LRMDA: variants seen among roughly 807,000 people sequenced by gnomAD.
LRMDA encodes leucine rich melanocyte differentiation associated, also known as leucine-rich melanocyte differentiation-associated protein.
In LRMDA, 18 loss-of-function variants were observed where a neutral mutation model predicts 29.8. The observed-to-expected ratio is 0.60, with a 90% CI of 0.42 to 0.90. LRMDA has a LOEUF of 0.90. Among genes scored for constraint, LRMDA ranks in the 40% least tolerant of loss-of-function variants. The probability of loss-of-function intolerance (pLI) is 0.00; values close to 1 mark genes in which losing one functional copy is unlikely to be tolerated. For synonymous variants in LRMDA, 125 were observed against 109.4 expected (o/e 1.14, Z -0.89); for missense variants, 273 against 273.9 (o/e 1.00, Z 0.02).
intron 2 of LRMDA, among the ~76,000 whole-genome samples, chr10:75,597,067 G>A (rs544011051): frequency 8.8e-5 from 13 of 148,114 alleles, no homozygotes; most frequent in South Asian, 2.1e-4. Context: ...TTTGAGTCCC[G>A]TGTTCCTTAT....
intron 5 of LRMDA, among the ~76,000 whole-genome samples, chr10:76,229,163 C>T (rs140796476): frequency 2.6e-5 from 4 of 152,106 alleles, no homozygotes; most frequent in South Asian, 4.2e-4. Context: ...CTTTGTTGGG[C>T]GAGAACGTCT....
At chr10:75,922,644 A>T (rs575003995) in intron 2 of LRMDA, among the ~76,000 whole-genome samples, 5 of 152,126 alleles carry the variant, frequency 3.3e-5, no homozygotes, top group South Asian at 4.2e-4. Context: ...TCTACTTCCC[A>T]CTGTGGGCAT....
intron 2 of LRMDA, among the ~76,000 whole-genome samples, chr10:75,834,420 A>G (rs1457922025): frequency 6.6e-6 from 1 of 152,200 alleles, no homozygotes; most frequent in Non-Finnish European, 1.5e-5. Flanking sequence ...CTTTCTTTCT[A>G]GAGTATCCCT....
At chr10:75,446,779 A>G (rs1844401558) in intron 2 of LRMDA, among the ~76,000 whole-genome samples, 2 of 152,202 alleles carry the variant, frequency 1.3e-5, no homozygotes, top group African/African-American at 4.8e-5. Flanking sequence ...CTCACCTCAT[A>G]TATATTTTTT....
At chr10:76,344,926 G>A (rs1457099596) in intron 6 of LRMDA, among the ~76,000 whole-genome samples, 3 of 145,806 alleles carry the variant, frequency 2.1e-5, no homozygotes, top group Non-Finnish European at 3.0e-5. Flanking sequence ...AATCATACAA[G>A]TACTGAAAAA....
Position 75,609,483 on chromosome 10 carries a change from C to A in LRMDA, c.131+170989C>A, listed in dbSNP as rs377090848. 5.3e-5 allele frequency among the ~76,000 whole-genome samples: 8 copies of A among 152,290 alleles called. No homozygotes were observed. In the East Asian group the frequency reaches 1.5e-3, roughly 29 times the overall value. On this transcript the variant is annotated intron_variant, in intron 2 of 6. Transcript: ENST00000611255. ...CTTCCTAGTGGTCAATCTCTGCTCT[C>A]CAGCACCTACTTCTAGAAGGAGTAA...
At chr10:76,544,474 C>T (rs1360363431) in intron 6 of LRMDA, among the ~76,000 whole-genome samples, 2 of 152,152 alleles carry the variant, frequency 1.3e-5, no homozygotes, top group Admixed American at 1.3e-4. Flanking sequence ...AAAACACACC[C>T]ATCTTAATAT....
At chr10:76,262,907 C>T (rs1375114569) in intron 5 of LRMDA, among the ~76,000 whole-genome samples, 1 of 152,210 alleles carries the variant, frequency 6.6e-6, no homozygotes, top group African/African-American at 2.4e-5. Context: ...GCCATTTGCC[C>T]TTTCTTAAGC....
intron 5 of LRMDA, among the ~76,000 whole-genome samples, chr10:76,204,665 C>CT (rs553296344): frequency 5.3e-5 from 8 of 152,244 alleles, no homozygotes; most frequent in Non-Finnish European, 1.2e-4. Flanking sequence ...TACAACACTT[C>CT]TTTTGTGCCT....
intron 2 of LRMDA, among the ~76,000 whole-genome samples, chr10:75,726,694 C>G (rs991216924): frequency 5.3e-5 from 8 of 152,190 alleles, no homozygotes; most frequent in Admixed American, 3.3e-4. Context: ...GCCTACTTAG[C>G]CTTCCTTTGG....
chr10:75,858,016 C>T (rs1286194534), intron 2 of LRMDA, among the ~76,000 whole-genome samples: 1 of 152,222 alleles, frequency 6.6e-6, no homozygotes, highest in Admixed American at 6.5e-5. Flanking sequence ...TTTCTCAGGG[C>T]TTCCAGCCCA....
At chr10:76,392,389 C>A (rs1841733058) in intron 6 of LRMDA, among the ~76,000 whole-genome samples, 1 of 152,016 alleles carries the variant, frequency 6.6e-6, no homozygotes, top group South Asian at 2.1e-4. Context: ...TATGAATACA[C>A]TGTGGAATGG....
At chr10:76,238,529 A>G (rs1342971275) in intron 5 of LRMDA, among the ~76,000 whole-genome samples, 1 of 146,908 alleles carries the variant, frequency 6.8e-6, no homozygotes. Flanking sequence ...TCTATTGCAT[A>G]TCTGTTATTT....
chr10:75,489,724 T>A (rs950799069), intron 2 of LRMDA, among the ~76,000 whole-genome samples: 2 of 152,166 alleles, frequency 1.3e-5, no homozygotes, highest in Non-Finnish European at 2.9e-5. Flanking sequence ...GGGTTTGTAG[T>A]TTGTGCTTGA....
rs576078912 is a variant in LRMDA at position 76,264,798 on chromosome 10, T to A, written c.517-59603T>A. 4.6e-5 allele frequency among the ~76,000 whole-genome samples: 7 copies of A among 152,326 alleles called. No individual in the cohort carries two copies. In the South Asian group the frequency reaches 1.5e-3, roughly 32 times the overall value. On this transcript the variant is annotated intron_variant, in intron 5 of 6. Transcript: ENST00000611255. ...TAGTACTATGGGAAATGGAGAGAGA[T>A]AAGAATCATGCCCCATGCTTAACCT...
chr10:76,126,244 A>T (rs1849880902), intron 5 of LRMDA, among the ~76,000 whole-genome samples: 1 of 152,178 alleles, frequency 6.6e-6, no homozygotes, highest in Non-Finnish European at 1.5e-5. Flanking sequence ...TGAACCTAGG[A>T]TCTGCTTTCT....
intron 2 of LRMDA, among the ~76,000 whole-genome samples, chr10:75,612,797 G>C (rs1265029602): frequency 2.0e-5 from 3 of 151,216 alleles, no homozygotes; most frequent in African/African-American, 7.3e-5. Flanking sequence ...GGAAAAAACT[G>C]TGTAAAATAA....
Position 76,264,406 on chromosome 10 carries a change from C to CAAAAAA in LRMDA, c.517-59949_517-59944dup, listed in dbSNP as rs59846541. 4.1e-4 allele frequency among the ~76,000 whole-genome samples: 14 copies of CAAAAAA among 34,294 alleles called. 2 individuals carry two copies. The highest frequency in any genetic ancestry group is 8.2e-4 in the East Asian group (1 of 1,224). The allele number at this position is 34,294 out of a possible 152,430, so 22.5% of individuals were successfully genotyped here. A position where few individuals can be genotyped will look rare whatever the true frequency, so the allele number is the denominator to read the frequency against. On this transcript the variant is annotated intron_variant, in intron 5 of 6. Transcript: ENST00000611255. ...TGGGTAACAGAGCAAGACTCTGTCTCAAAAAAAAAAAAAAAAAAAAAAAAA... is the reference window on the plus strand; with the variant it reads ...TGGGTAACAGAGCAAGACTCTGTCTCAAAAAAAAAAAAAAAAAAAAAAAAAAAAAAA...
chr10:76,148,386 C>T (rs1038373112), intron 5 of LRMDA, among the ~76,000 whole-genome samples: 10 of 152,156 alleles, frequency 6.6e-5, no homozygotes, highest in African/African-American at 2.4e-4. Flanking sequence ...ACTAACTGGG[C>T]AATGGCGGGA....
Sources: gnomAD v4.1 joint callset for allele counts (sites outside exome capture counted in the v4.1 genomes callset) on GRCh38, gnomAD v4.1.1 for gene constraint, MANE v1.5 for transcripts, NCBI Gene and HGNC (gene_info 2026-07-23, HGNC 2026-07-21) for gene names.